The following SPAST variants were observed in gnomAD, a reference collection of about 807,000 sequenced individuals.
SPAST encodes the protein spastin.
A neutral mutation model predicts 76.6 loss-of-function variants in SPAST; 30 were observed. That is an observed-to-expected ratio of 0.39 (90% CI 0.29 to 0.53). The LOEUF is 0.53. Among genes scored for constraint, SPAST ranks in the 20% least tolerant of loss-of-function variants. SPAST has a pLI of 0.68. For missense variants in SPAST, 717 were observed against 770.5 expected (o/e 0.93, Z 0.82); for synonymous variants, 305 against 281.0 (o/e 1.09, Z -0.86).
chr2:32,095,572 TAA>T (rs35757220), intron 3 of SPAST, among the ~76,000 whole-genome samples: 12 of 141,426 alleles, frequency 8.5e-5, no homozygotes, highest in East Asian at 2.0e-4. Context: ...TGTCTAAATT[TAA>T]AAAAAAAAAA....
chr2:32,100,195 A>T (rs565670048), intron 4 of SPAST, among the ~76,000 whole-genome samples: 8 of 152,078 alleles, frequency 5.3e-5, no homozygotes, highest in Non-Finnish European at 1.2e-4. Flanking sequence ...TCTTTTTGAT[A>T]ATAGCCATCC....
chr2:32,141,966 T>A lies in SPAST; in HGVS notation c.1536+20T>A. The A allele has an allele frequency of 1.3e-6, 2 of 1,580,760 alleles. No homozygotes were observed. Among genetic ancestry groups the A allele is most frequent in the Non-Finnish European group, 1.7e-6 (2 of 1,151,888 alleles). On this transcript the variant is annotated intron_variant, in intron 13 of 16. Transcript: ENST00000315285. ...GAGGAGGTATGTATCTGTGTTTGAATTTTTTTTGTTTTAGAGCAGAAACAA... is the reference window on the plus strand; with the variant it reads ...GAGGAGGTATGTATCTGTGTTTGAAATTTTTTTGTTTTAGAGCAGAAACAA...
At chr2:32,143,499 T>G in intron 14 of SPAST, 84 bp downstream of exon 14, 1 of 855,106 alleles carries the variant, frequency 1.2e-6, no homozygotes, top group Non-Finnish European at 1.9e-6. Flanking sequence ...AAAGTAATCT[T>G]AAGTATGAAA....
At chr2:32,076,995 C>A (rs1408846000) in intron 1 of SPAST, among the ~76,000 whole-genome samples, 1 of 152,076 alleles carries the variant, frequency 6.6e-6, no homozygotes, top group Non-Finnish European at 1.5e-5. Flanking sequence ...CCTGCCTCAG[C>A]CTCCCAAGTA....
intron 7 of SPAST, chr2:32,126,734 G>A (rs1396694529): frequency 2.0e-6 from 1 of 500,396 alleles, no homozygotes; most frequent in Admixed American, 3.4e-5. Context: ...TAATCCTCCT[G>A]TCTTTGCCCC....
At chr2:32,066,800 C>A (rs1441657795) in intron 1 of SPAST, among the ~76,000 whole-genome samples, 2 of 151,774 alleles carry the variant, frequency 1.3e-5, no homozygotes, top group African/African-American at 2.4e-5. Context: ...ATAGTGAAAC[C>A]CTGTCTTTGT....
At chr2:32,111,305 TAC>T (rs1274790582) in intron 4 of SPAST, among the ~76,000 whole-genome samples, 9 of 111,738 alleles carry the variant, frequency 8.1e-5, no homozygotes, top group African/African-American at 1.2e-4. Flanking sequence ...AGCGTATATA[TAC>T]AGTATACTGT....
At chr2:32,146,592 C>A (rs1183325183) in intron 15 of SPAST, among the ~76,000 whole-genome samples, 1 of 145,926 alleles carries the variant, frequency 6.9e-6, no homozygotes, top group Non-Finnish European at 1.5e-5. Context: ...ATAGGCCAGG[C>A]ACGGTGGCTC....
In SPAST at chr2:32,115,789, G is replaced by A. The variant is rs747128987; in HGVS notation, c.958G>A (p.Val320Met). The change falls in exon 6 of 17, where the codon GTG (valine) becomes ATG (methionine). Residue 320 changes from valine to methionine, a missense_variant. Val to Met is a conservative substitution (Grantham distance 21, BLOSUM62 1). Coordinates refer to ENST00000315285, the MANE Select transcript of SPAST (RefSeq NM_014946.4). ...KKKDLKNFRN[V>M]DSNLANLIMN... ...AAAAGACTTGAAGAATTTTAGGAAT[G>A]TGGACAGCAACCTTGCTAACCTTAT... 6.2e-7 allele frequency: 1 copy of A among 1,611,952 alleles called. No homozygotes were observed. Among genetic ancestry groups the A allele is most frequent in the South Asian group, 1.1e-5 (1 of 90,934 alleles).
chr2:32,074,184 A>G (rs1676860989), intron 1 of SPAST, among the ~76,000 whole-genome samples: 1 of 152,198 alleles, frequency 6.6e-6, no homozygotes, highest in African/African-American at 2.4e-5. Flanking sequence ...GCTGCGAATA[A>G]TTCTATGAAT....
rs1477506013 is a variant in SPAST at position 32,063,854 on chromosome 2, G to A, written c.23G>A (p.Gly8Glu). The A allele has an allele frequency of 1.3e-6, 2 of 1,583,232 alleles. No individual in the cohort carries two copies. The highest frequency in any genetic ancestry group is 1.8e-5 in the Admixed American group (1 of 55,924). Residue 8 changes from glycine (G) to glutamate (E), a missense_variant, in exon 1 of 17, where the codon GGG becomes GAG. By Grantham distance (98) the Gly-to-Glu change is moderately conservative. Around this residue, in one of 3 missense-constraint regions of SPAST, gnomAD observed 543 missense variants for 445.2 expected, o/e 1.22. Coordinates refer to ENST00000315285, the MANE Select transcript of SPAST (RefSeq NM_014946.4). Reference sequence around the variant, plus strand: ...TGAATGAATTCTCCGGGTGGACGAGGGAAGAAGAAAGGCTCCGGCGGCGCC... The same window carrying A: ...TGAATGAATTCTCCGGGTGGACGAGAGAAGAAGAAAGGCTCCGGCGGCGCC... The part of the protein sequence containing the change: MNSPGGR[G>E]KKKGSGGASN...
At chr2:32,078,801 G>A (rs1056023764) in intron 1 of SPAST, among the ~76,000 whole-genome samples, 4 of 151,960 alleles carry the variant, frequency 2.6e-5, no homozygotes, top group Admixed American at 2.0e-4. Context: ...AAAACAATTT[G>A]CAATCTTTTT....
intron 7 of SPAST, among the ~76,000 whole-genome samples, chr2:32,119,354 G>A (rs572562452): frequency 7.9e-5 from 12 of 152,180 alleles, no homozygotes; most frequent in African/African-American, 2.4e-4. Flanking sequence ...GTAGTAGGAA[G>A]CTTGCATAGA....
At chr2:32,076,782 G>A (rs867358596) in intron 1 of SPAST, among the ~76,000 whole-genome samples, 48 of 152,014 alleles carry the variant, frequency 3.2e-4, no homozygotes, top group African/African-American at 1.0e-3. Context: ...GGCTGGACTC[G>A]AGCTCCTTGG....
chr2:32,077,792 T>C (rs1677024861), intron 1 of SPAST: 1 of 152,196 alleles, frequency 6.6e-6, no homozygotes, highest in Non-Finnish European at 1.5e-5. Context: ...TTACCTCTAT[T>C]TAAAGATGAA....
At chr2:32,068,567 A>T (rs951049129) in intron 1 of SPAST, among the ~76,000 whole-genome samples, 1 of 151,434 alleles carries the variant, frequency 6.6e-6, no homozygotes, top group Admixed American at 6.6e-5. Context: ...CAAGTGATCC[A>T]CTCGCCTTGG....
chr2:32,112,012 GT>G (rs1553314286), intron 4 of SPAST, among the ~76,000 whole-genome samples: 86 of 94,678 alleles, frequency 9.1e-4, no homozygotes, highest in African/African-American at 2.6e-3. Flanking sequence ...AGTAGTAGTA[GT>G]TTTTTTTTTT....
At chr2:32,068,002 A>G (rs1379942924) in intron 1 of SPAST, among the ~76,000 whole-genome samples, 1 of 146,394 alleles carries the variant, frequency 6.8e-6, no homozygotes, top group African/African-American at 2.5e-5. Context: ...TTTTTGAGAC[A>G]GAGCCTCGCT....
chr2:32,151,610 G>A (rs1680087309), intron 16 of SPAST, among the ~76,000 whole-genome samples: 1 of 151,948 alleles, frequency 6.6e-6, no homozygotes, highest in South Asian at 2.1e-4. Flanking sequence ...ATAAATTTAG[G>A]TAAGGAAAAC....
Sources: allele counts gnomAD v4.1 joint callset (sites outside exome capture counted in the v4.1 genomes callset), GRCh38; gene constraint gnomAD v4.1.1; regional missense constraint gnomAD v4.1.1; transcripts MANE v1.5; gene names NCBI Gene and HGNC (gene_info 2026-07-23, HGNC 2026-07-21).